ARHGAP4: variants seen among roughly 807,000 people sequenced by gnomAD.
ARHGAP4 encodes rho GTPase-activating protein 4.
ARHGAP4 carries 25 observed loss-of-function variants against 67.6 expected under a neutral mutation model. The ratio of observed to expected loss-of-function variants is 0.37; its 90% CI spans 0.27 to 0.52. ARHGAP4 has a LOEUF of 0.52. Ranked by LOEUF, ARHGAP4 falls within the 20% of genes least tolerant of loss-of-function variation. The pLI, the probability that ARHGAP4 is intolerant of heterozygous loss-of-function variation, is 0.92. For missense variants in ARHGAP4, 804 were observed against 854.6 expected, an observed-to-expected ratio of 0.94 and a Z score of 0.74; for synonymous variants, 448 against 373.7, an observed-to-expected ratio of 1.20 and a Z score of -2.29.
rs1557104631 is a variant in ARHGAP4, at chrX:153,918,896, T to G, written c.968A>C (p.Glu323Ala). 4 of 1,212,002 alleles carry G rather than the reference T, an allele frequency of 3.3e-6. No homozygotes were observed. The South Asian group carries it at 5.3e-5, about 16-fold the overall frequency. The part of the protein sequence containing the change: ...DPPGDKAKVL[E>A]VHATVFCPPL... ...GGGACAGAAGACGGTAGCATGCACC[T>G]CGAGAACCTTGGCTTTGTCCCCTGG... is the stretch of plus-strand genomic sequence containing the variant. Residue 323 changes from glutamate (E) to alanine (A), a missense_variant, in exon 7 of 22, where the codon GAG becomes GCG. By Grantham distance (107) the Glu-to-Ala change is moderately radical. Transcript: ENST00000350060.
In ARHGAP4 at chrX:153,910,254, G is replaced by C; in HGVS notation, c.2073C>G (p.Pro691=). The change falls in exon 17 of 22, where the codon CCC becomes CCG. Residue 691 remains proline (P), a synonymous_variant. Transcript: ENST00000350060. The part of the protein sequence containing the change: ...NQLVQTLIVQ[P]DRVFPPLTSL... ...AGGTCAGGGGCGGGAAGACCCGATC[G>C]GGCTGCACTATGAGCGTCTGCACCA... The C allele has an allele frequency of 8.3e-7, 1 of 1,210,480 alleles. No homozygotes were observed. Among genetic ancestry groups the C allele is most frequent in the African/African-American group, 1.7e-5 (1 of 57,873 alleles).
At chrX:153,909,407 C>A (rs782716842) in intron 20 of ARHGAP4, 36 bp downstream of exon 20, 3 of 1,036,393 alleles carry the variant, frequency 2.9e-6, no homozygotes, top group Non-Finnish European at 3.7e-6. Flanking sequence ...TAGAACAGCA[C>A]ACGTGTGGCC....
chrX:153,925,934 G>A (rs1201036280), intron 1 of ARHGAP4, among the ~76,000 whole-genome samples: 2 of 113,028 alleles, frequency 1.8e-5, no homozygotes, highest in Non-Finnish European at 3.8e-5. Context: ...AGACAGGAAA[G>A]AAGGAAGGGA....
Position 153,913,269 on chromosome X carries a change from G to A in ARHGAP4, c.1360C>T (p.Leu454Phe). The A allele has an allele frequency of 8.5e-7, 1 of 1,174,614 alleles. No homozygotes were observed. The highest frequency in any genetic ancestry group is 1.1e-6 in the Non-Finnish European group (1 of 876,855). The change falls in exon 10 of 22, where the codon CTC becomes TTC. Residue 454 changes from leucine (L) to phenylalanine (F), a missense_variant. Leu to Phe is a conservative substitution (Grantham distance 22, BLOSUM62 0). Coordinates refer to ENST00000350060, the MANE Select transcript of ARHGAP4 (RefSeq NM_001666.5). Reference protein sequence around the residue: ...LQEYLSGRSILAKLQAKHEKL... With the variant: ...LQEYLSGRSIFAKLQAKHEKL... Reference sequence around the variant, plus strand: ...TCGTGCTTGGCCTGCAGCTTGGCGAGGATGCTCCGTCCACTCAGATACTCC... The same window carrying A: ...TCGTGCTTGGCCTGCAGCTTGGCGAAGATGCTCCGTCCACTCAGATACTCC...
intron 1 of ARHGAP4, among the ~76,000 whole-genome samples, chrX:153,922,879 A>C (rs782510634): frequency 4.5e-5 from 5 of 111,574 alleles, no homozygotes; most frequent in African/African-American, 1.6e-4. Context: ...GCACGAACAC[A>C]TATCAGAATG....
rs532063951 is a variant in ARHGAP4 at position 153,909,490 on chromosome X, C to G, written c.2460G>C (p.Glu820Asp). The G allele has an allele frequency of 2.2e-5, 27 of 1,208,858 alleles. No homozygotes were observed. The highest frequency in any genetic ancestry group is 1.6e-4 in the African/African-American group (9 of 57,568). Residue 820 changes from glutamate (E) to aspartate (D), a missense_variant, in exon 20 of 22, where the codon GAG (glutamate) becomes GAC (aspartate). Transcript: ENST00000350060. ...GGAGGCCCTCGGGACTGCTCCCAGA[C>G]TCCCCTGCAGTCTGCAGCCCTGCGC... ...VVGAGLQTAGESGSSPEGLLA... is the reference protein window; with the variant it reads ...VVGAGLQTAGDSGSSPEGLLA...
chrX:153,915,164 A>C (rs372775132), intron 7 of ARHGAP4, among the ~76,000 whole-genome samples: 46 of 97,194 alleles, frequency 4.7e-4, no homozygotes, highest in African/African-American at 1.6e-3. Context: ...CACTCCTGTG[A>C]GGGGCCTCAA....
Position 153,921,378 on chromosome X carries a change from C to G in ARHGAP4, c.422G>C (p.Arg141Pro). The G allele has an allele frequency of 8.3e-7, 1 of 1,210,999 alleles. No individual in the cohort carries two copies. Among genetic ancestry groups the G allele is most frequent in the Non-Finnish European group, 1.1e-6 (1 of 895,444 alleles). Reference sequence around the variant, plus strand: ...TGAGAGCCTCACCTTCTTGACCAGGCGCCCCACGTCCTCTGCAATGTGACT... The same window carrying G: ...TGAGAGCCTCACCTTCTTGACCAGGGGCCCCACGTCCTCTGCAATGTGACT... ...RLSHIAEDVG[R>P]LVKKSRDLEQ... The change falls in exon 3 of 22, where the codon CGC becomes CCC. Residue 141 changes from arginine to proline, a missense_variant. Arg to Pro is a moderately radical substitution (Grantham distance 103, BLOSUM62 -2). Around this residue, in one of 2 missense-constraint regions of ARHGAP4, gnomAD observed 404 missense variants for 505.9 expected, o/e 0.80. Coordinates refer to ENST00000350060, the MANE Select transcript of ARHGAP4 (RefSeq NM_001666.5).
chrX:153,918,450 T>C (rs1228470986), intron 7 of ARHGAP4, among the ~76,000 whole-genome samples: 1 of 112,527 alleles, frequency 8.9e-6, no homozygotes, highest in Non-Finnish European at 1.9e-5. Flanking sequence ...TCCCAGATCA[T>C]TGACAATGCC....
chrX:153,920,471 G>A, intron 5 of ARHGAP4, 155 bp downstream of exon 5: 1 of 630,369 alleles, frequency 1.6e-6, no homozygotes, highest in Middle Eastern at 5.3e-4. Context: ...CTCAGGCCCT[G>A]GGAGCCTTCC....
rs144989746 is a variant in ARHGAP4, at chrX:153,913,576, G to A, written c.1159C>T (p.Leu387=). ...GCCACCACCTCCAGCAGGGCCTGCA[G>A]TGTCGCCTTCAGAGTCTTGTTCACC... is the stretch of plus-strand genomic sequence containing the variant. ...EEVNKTLKAT[L]QALLEVVASD... is the part of the protein sequence containing the mutation. The change falls in exon 9 of 22, where the codon CTG becomes TTG. Residue 387 remains leucine, a synonymous_variant. Transcript: ENST00000350060. The A allele has an allele frequency of 7.4e-6, 9 of 1,209,450 alleles. No individual in the cohort carries two copies. The highest frequency in any genetic ancestry group is 1.0e-5 in the Non-Finnish European group (9 of 893,957).
At chrX:153,922,036 C>T in intron 1 of ARHGAP4, 2 of 956,851 alleles carry the variant, frequency 2.1e-6, no homozygotes, top group Non-Finnish European at 2.7e-6. Context: ...GCGCTGAGGC[C>T]AACAGATGGC....
chrX:153,925,718 A>C (rs1404100263), intron 1 of ARHGAP4, among the ~76,000 whole-genome samples: 2 of 112,048 alleles, frequency 1.8e-5, no homozygotes, highest in South Asian at 3.7e-4. Flanking sequence ...GGTTACGGCC[A>C]GGTGATCTCC....
Position 153,913,102 on chromosome X carries a change from G to T in ARHGAP4, c.1412-51C>A, listed in dbSNP as rs782302298. The T allele has an allele frequency of 5.1e-6, 6 of 1,168,415 alleles. No homozygotes were observed. In the African/African-American group the frequency reaches 8.9e-5, roughly 17 times the overall value. ...GCCTCTCGGGCCAGGGGTCTTCAAG[G>T]CATCCCAGAGAGAAAGGTGTGGATA... On this transcript the variant is annotated intron_variant, in intron 10 of 21. Coordinates refer to ENST00000350060, the MANE Select transcript of ARHGAP4 (RefSeq NM_001666.5).
At chrX:153,916,314 C>T in intron 7 of ARHGAP4, among the ~76,000 whole-genome samples, 1 of 113,228 alleles carries the variant, frequency 8.8e-6, no homozygotes, top group East Asian at 2.8e-4. Flanking sequence ...TACCTGGGCC[C>T]TCCCCCAGAT....
Position 153,921,624 on chromosome X carries a change from G to A in ARHGAP4, c.253C>T (p.Arg85Trp), listed in dbSNP as rs782081259. Residue 85 changes from arginine (R) to tryptophan (W), a missense_variant, in exon 2 of 22, where the codon CGG becomes TGG. This residue lies in a region of ARHGAP4 where 404 missense variants were observed against 505.9 expected (regional missense o/e 0.80). Transcript: ENST00000350060. ...SSRGGRLGSS[R>W]EHQSFRKEPS... Reference sequence around the variant, plus strand: ...ACCTACCGGAAGCTTTGGTGCTCCCGGCTGCTCCCCAGGCGGCCTCCACGG... The same window carrying A: ...ACCTACCGGAAGCTTTGGTGCTCCCAGCTGCTCCCCAGGCGGCCTCCACGG... The A allele has an allele frequency of 5.0e-6, 6 of 1,208,608 alleles. No individual in the cohort carries two copies. Among genetic ancestry groups the A allele is most frequent in the South Asian group, 1.8e-5 (1 of 56,638 alleles).
chrX:153,913,163 C>CT, intron 10 of ARHGAP4, 55 bp downstream of exon 10: 2 of 1,158,226 alleles, frequency 1.7e-6, no homozygotes, highest in Non-Finnish European at 2.3e-6. Context: ...GGACCGTGGG[C>CT]TAGACAGGGT....
Position 153,910,565 on chromosome X carries a change from C to T in ARHGAP4, c.1863G>A (p.Leu621=). 8.3e-7 allele frequency: 1 copy of T among 1,208,573 alleles called. No homozygotes were observed. The highest frequency in any genetic ancestry group is 1.1e-6 in the Non-Finnish European group (1 of 894,897). Residue 621 remains leucine (L), a synonymous_variant, in exon 16 of 22, where the codon CTG becomes CTA. Coordinates refer to ENST00000350060, the MANE Select transcript of ARHGAP4 (RefSeq NM_001666.5). ...CCAGCACCGGCGCGGGCAGCCGCCA[C>T]AGCAGGCGGCTCACGTGCTCCACCC... The part of the protein sequence containing the change: ...AERVEHVSRL[L]WRLPAPVLVV...
At position 153,913,837 on chromosome X, in the gene ARHGAP4, G is replaced by A; in HGVS notation, c.1075C>T (p.Leu359=). The change falls in exon 8 of 22, where the codon CTG becomes TTG. Residue 359 remains leucine (L), a synonymous_variant. Transcript: ENST00000350060. ...CVEMELRDEI[L]PRAQNIQSRL... ...CTCTGGATGTTCTGGGCTCTGGGCA[G>A]AATCTCGTCCCGCAGCTCCATTTCA... The A allele has an allele frequency of 1.6e-6, 2 of 1,212,333 alleles. No homozygotes were observed. The highest frequency in any genetic ancestry group is 2.2e-6 in the Non-Finnish European group (2 of 895,642).
Sources: gnomAD v4.1 joint callset for allele counts (sites outside exome capture counted in the v4.1 genomes callset) on GRCh38, gnomAD v4.1.1 for gene constraint, gnomAD v4.1.1 regional missense constraint, MANE v1.5 for transcripts, NCBI Gene and HGNC (gene_info 2026-07-23, HGNC 2026-07-21) for gene names.